CNTNAP2: variants seen among roughly 807,000 people sequenced by gnomAD.
CNTNAP2 encodes the protein contactin-associated protein-like 2.
In CNTNAP2, 98 loss-of-function variants were observed where a neutral mutation model predicts 155.2. The observed-to-expected ratio is 0.63, with a 90% CI of 0.54 to 0.75. The LOEUF (loss-of-function observed/expected upper bound fraction) is 0.75. Among genes scored for constraint, CNTNAP2 ranks in the 30% least tolerant of loss-of-function variants. The pLI, the probability that CNTNAP2 is intolerant of heterozygous loss-of-function variation, is 0.00. For synonymous variants in CNTNAP2, 651 were observed against 631.2 expected, an observed-to-expected ratio of 1.03 and a Z score of -0.47; for missense variants, 1,727 against 1,688.1, an observed-to-expected ratio of 1.02 and a Z score of -0.40.
intron 8 of CNTNAP2, among the ~76,000 whole-genome samples, chr7:147,268,754 G>T (rs1804672908): frequency 6.6e-6 from 1 of 152,090 alleles, no homozygotes; most frequent in Admixed American, 6.5e-5. Flanking sequence ...TGTCATAAGA[G>T]ATTTAAACTA....
intron 1 of CNTNAP2, among the ~76,000 whole-genome samples, chr7:146,593,617 T>C (rs1798815523): frequency 6.6e-6 from 1 of 152,142 alleles, no homozygotes; most frequent in African/African-American, 2.4e-5. Context: ...CATTAAATGT[T>C]TTGGATTGTG....
rs1439667456 is a variant in CNTNAP2, at chr7:146,535,606, T to C, written c.98-238665T>C. Among the ~76,000 whole-genome samples the C allele has an allele frequency of 2.7e-5, 4 of 150,862 alleles. 1 individual carries two copies. Among genetic ancestry groups the C allele is most frequent in the African/African-American group, 9.8e-5 (4 of 40,842 alleles). On this transcript the variant is annotated intron_variant, in intron 1 of 23. Coordinates refer to ENST00000361727, the MANE Select transcript of CNTNAP2 (RefSeq NM_014141.6). ...AATTGTATAAATTTATGGGTTGCAA[T>C]GTGATTTTTTTCAACTTTTGTTTTA...
chr7:147,506,062 T>C (rs1462619401), intron 11 of CNTNAP2, among the ~76,000 whole-genome samples: 1 of 152,090 alleles, frequency 6.6e-6, no homozygotes, highest in Admixed American at 6.6e-5. Flanking sequence ...GCTAAGGAGA[T>C]GTCATGAGCC....
At chr7:148,255,705 C>T (rs1456100340) in intron 20 of CNTNAP2, among the ~76,000 whole-genome samples, 1 of 152,176 alleles carries the variant, frequency 6.6e-6, no homozygotes, top group Non-Finnish European at 1.5e-5. Flanking sequence ...GGCATAATGA[C>T]AATAGCAGTA....
chr7:146,576,438 A>C (rs960021612), intron 1 of CNTNAP2, among the ~76,000 whole-genome samples: 1 of 152,126 alleles, frequency 6.6e-6, no homozygotes, highest in South Asian at 2.1e-4. Flanking sequence ...GAGCCCATGG[A>C]GAAGAACCCA....
intron 19 of CNTNAP2, among the ~76,000 whole-genome samples, chr7:148,217,798 G>T (rs999322518): frequency 6.6e-6 from 1 of 152,222 alleles, no homozygotes; most frequent in African/African-American, 2.4e-5. Context: ...AGATATGTTT[G>T]CATGTGTAAT....
chr7:147,187,894 T>G (rs1288813010), intron 8 of CNTNAP2, among the ~76,000 whole-genome samples: 2 of 152,140 alleles, frequency 1.3e-5, no homozygotes, highest in Admixed American at 1.3e-4. Flanking sequence ...ACCCTGTCTC[T>G]ACCAAAAATA....
At chr7:147,683,685 T>C (rs1293279997) in intron 13 of CNTNAP2, among the ~76,000 whole-genome samples, 1 of 150,452 alleles carries the variant, frequency 6.6e-6, no homozygotes, top group Non-Finnish European at 1.5e-5. Flanking sequence ...TGCATTATAA[T>C]ATTAAAAGGG....
chr7:147,995,764 C>T (rs6974913), intron 15 of CNTNAP2, among the ~76,000 whole-genome samples: 30,174 of 151,980 alleles, frequency 0.2, 3,355 homozygotes, highest in East Asian at 0.32. Flanking sequence ...CTGCCCACCT[C>T]GGCCTCCCAA....
intron 1 of CNTNAP2, among the ~76,000 whole-genome samples, chr7:146,558,070 G>C (rs1798222794): frequency 6.6e-6 from 1 of 152,124 alleles, no homozygotes. Context: ...GTTTCACTTA[G>C]ACAGACATGA....
At position 148,102,976 on chromosome 7, in the gene CNTNAP2, A is replaced by G. The variant is rs117542381; in HGVS notation, c.2384-15142A>G. Among the ~76,000 whole-genome samples the G allele has an allele frequency of 4.3e-3, 655 of 152,304 alleles. 5 individuals are homozygous for G. Among genetic ancestry groups the G allele is most frequent in the Admixed American group, 6.3e-3 (97 of 15,292 alleles). On this transcript the variant is annotated intron_variant, in intron 15 of 23. Coordinates refer to ENST00000361727, the MANE Select transcript of CNTNAP2 (RefSeq NM_014141.6). The stretch of plus-strand genomic sequence containing the variant: ...GGAGACATGAGACATCAATCAACAT[A>G]TGTAAGATATACATTGGTTCTGTCC...
At chr7:146,856,277 GATA>G (rs1794982660) in intron 3 of CNTNAP2, among the ~76,000 whole-genome samples, 1 of 73,320 alleles carries the variant, frequency 1.4e-5, no homozygotes, top group Admixed American at 1.9e-4. Context: ...TAGATAGATA[GATA>G]GATAGATAGA....
chr7:147,955,949 T>TA (rs1344805809), intron 14 of CNTNAP2, among the ~76,000 whole-genome samples: 1 of 152,156 alleles, frequency 6.6e-6, no homozygotes, highest in Non-Finnish European at 1.5e-5. Flanking sequence ...AGAGGTGCTA[T>TA]TTATAGTGAA....
intron 6 of CNTNAP2, among the ~76,000 whole-genome samples, chr7:147,123,937 G>A (rs370014544): frequency 3.7e-4 from 56 of 152,280 alleles, no homozygotes; most frequent in African/African-American, 1.3e-3. Flanking sequence ...AGCTACTTGG[G>A]AGGCTGAGGC....
intron 1 of CNTNAP2, among the ~76,000 whole-genome samples, chr7:146,235,773 A>T (rs1328607579): frequency 6.6e-6 from 1 of 152,108 alleles, no homozygotes; most frequent in Non-Finnish European, 1.5e-5. Context: ...AGATGGATAG[A>T]GCATGACAGT....
At chr7:147,231,151 A>T (rs1007858004) in intron 8 of CNTNAP2, among the ~76,000 whole-genome samples, 1 of 152,236 alleles carries the variant, frequency 6.6e-6, no homozygotes, top group African/African-American at 2.4e-5. Flanking sequence ...CATGGGGGAT[A>T]CCGTCTTCAC....
At chr7:148,322,932 C>T (rs758610122) in intron 21 of CNTNAP2, among the ~76,000 whole-genome samples, 4 of 151,890 alleles carry the variant, frequency 2.6e-5, no homozygotes, top group African/African-American at 4.8e-5. Context: ...TGTCCTCTTC[C>T]TGAAATCGCC....
chr7:146,378,599 A>G (rs1048804618), intron 1 of CNTNAP2, among the ~76,000 whole-genome samples: 1 of 152,198 alleles, frequency 6.6e-6, no homozygotes. Flanking sequence ...AGATCAACCA[A>G]TTTATACATC....
At chr7:147,007,656 A>G (rs538227074) in intron 3 of CNTNAP2, among the ~76,000 whole-genome samples, 1 of 151,662 alleles carries the variant, frequency 6.6e-6, no homozygotes, top group East Asian at 1.9e-4. Flanking sequence ...GTTTCCTATA[A>G]CCTGACTAGA....
Sources: allele counts gnomAD v4.1 joint callset (sites outside exome capture counted in the v4.1 genomes callset), GRCh38; gene constraint gnomAD v4.1.1; transcripts MANE v1.5; gene names NCBI Gene and HGNC (gene_info 2026-07-23, HGNC 2026-07-21).